Variants in FASTKD1 observed in about 807,000 individuals in gnomAD.
FASTKD1 encodes the protein FAST kinase domains 1.
In FASTKD1, 94 loss-of-function variants were observed where a neutral mutation model predicts 90.9. The ratio of observed to expected loss-of-function variants is 1.03; its 90% CI spans 0.88 to 1.23. The LOEUF is 1.23. Among genes scored for constraint, FASTKD1 ranks in the 50% most tolerant of loss-of-function variants. FASTKD1 has a pLI of 0.00. For synonymous variants in FASTKD1, 319 were observed against 345.8 expected (o/e 0.92, Z 0.86); for missense variants, 945 against 993.5 (o/e 0.95, Z 0.66).
chr2:169,549,672 G>T (rs1162329047), intron 7 of FASTKD1, among the ~76,000 whole-genome samples: 1 of 151,984 alleles, frequency 6.6e-6, no homozygotes, highest in Non-Finnish European at 1.5e-5. Context: ...TTGCTTTATT[G>T]CCCAGGCTGG....
At chr2:169,541,614 T>C (rs1260885877) in intron 9 of FASTKD1, among the ~76,000 whole-genome samples, 1 of 152,130 alleles carries the variant, frequency 6.6e-6, no homozygotes, top group African/African-American at 2.4e-5. Flanking sequence ...TGTAGCAAAG[T>C]CCATTAGCAT....
intron 2 of FASTKD1, among the ~76,000 whole-genome samples, chr2:169,569,735 C>T (rs1428965717): frequency 6.6e-6 from 1 of 152,072 alleles, no homozygotes; most frequent in Non-Finnish European, 1.5e-5. Flanking sequence ...CCTTTAATCC[C>T]AGCTACTCAG....
chr2:169,571,529 A>ACTC (rs1684229873), intron 2 of FASTKD1, 124 bp downstream of exon 2: 1 of 650,422 alleles, frequency 1.5e-6, no homozygotes, highest in Non-Finnish European at 2.5e-6. Context: ...ATGCCACTGC[A>ACTC]CTCCAGCCTG....
In FASTKD1 at chr2:169,557,167, G is replaced by A. The variant is rs536894547; in HGVS notation, c.1082+20C>T. On this transcript the variant is annotated intron_variant, in intron 6 of 14. Coordinates refer to ENST00000453153, the MANE Select transcript of FASTKD1 (RefSeq NM_024622.6). ...TGTGAATGACAACAAACTTAACGTC[G>A]TAAATTTCAGAAAAGATACCTTTTA... 23 of 1,478,356 alleles carry A rather than the reference G, an allele frequency of 1.6e-5. No homozygotes were observed. Among genetic ancestry groups the A allele is most frequent in the Admixed American group, 5.1e-5 (3 of 59,036 alleles). The allele number at this position is 1,478,356 out of a possible 1,614,324, so 91.6% of individuals were successfully genotyped here.
At chr2:169,569,556 T>C (rs1468478999) in intron 2 of FASTKD1, among the ~76,000 whole-genome samples, 1 of 152,200 alleles carries the variant, frequency 6.6e-6, no homozygotes, top group Non-Finnish European at 1.5e-5. Context: ...TTTGTTCTGA[T>C]TTAAATACTT....
In FASTKD1 at chr2:169,572,021, T is replaced by C; in HGVS notation, c.9A>G (p.Lys3=). 1 of 1,566,568 alleles carries C rather than the reference T, an allele frequency of 6.4e-7. No homozygotes were observed. Among genetic ancestry groups the C allele is most frequent in the Non-Finnish European group, 8.6e-7 (1 of 1,156,914 alleles). Residue 3 remains lysine (K), a synonymous_variant, in exon 2 of 15, where the codon AAA becomes AAG. Transcript: ENST00000453153. ...CCAATGACTCTAGGAAAACAGGTGT[T>C]TTTTTCATTTATATCACAAGTTTTC... MK[K]TPVFLESLVT... is the part of the protein sequence containing the mutation.
At chr2:169,535,351 T>A (rs1299109714) in intron 12 of FASTKD1, among the ~76,000 whole-genome samples, 1 of 152,064 alleles carries the variant, frequency 6.6e-6, no homozygotes, top group Non-Finnish European at 1.5e-5. Context: ...AATTATTTAT[T>A]TATTTAGAGA....
At chr2:169,549,391 G>A (rs67018257) in intron 7 of FASTKD1, among the ~76,000 whole-genome samples, 20,767 of 151,890 alleles carry the variant, frequency 0.14, 1,614 homozygotes, top group Non-Finnish European at 0.18. Flanking sequence ...CAACAAGAGC[G>A]AAACTCCATC....
chr2:169,569,351 T>G, intron 2 of FASTKD1, 99 bp from the exon 3 acceptor site: 1 of 1,132,644 alleles, frequency 8.8e-7, no homozygotes, highest in Non-Finnish European at 1.3e-6. Flanking sequence ...CTCAAGTTAT[T>G]TTCCTCTTAT....
Position 169,538,049 on chromosome 2 carries a change from A to G in FASTKD1, c.2038T>C (p.Trp680Arg), listed in dbSNP as rs1684799783. 6.2e-6 allele frequency: 10 copies of G among 1,611,612 alleles called. No homozygotes were observed. Among genetic ancestry groups the G allele is most frequent in the Non-Finnish European group, 8.5e-6 (10 of 1,179,296 alleles). ...TGTTGACAGAAGCGGTCATGAAACC[A>G]TGGAATCTGAAACTCAGGGCATTCC... ...CLECPEFQIPWFHDRFCQQYN... is the reference protein window; with the variant it reads ...CLECPEFQIPRFHDRFCQQYN... Residue 680 changes from tryptophan to arginine, a missense_variant, in exon 11 of 15, where the codon TGG (tryptophan) becomes CGG (arginine). Trp to Arg is a moderately radical substitution (Grantham distance 101). Coordinates refer to ENST00000453153, the MANE Select transcript of FASTKD1 (RefSeq NM_024622.6).
chr2:169,556,709 G>A (rs866385674), intron 6 of FASTKD1, among the ~76,000 whole-genome samples: 2 of 151,440 alleles, frequency 1.3e-5, no homozygotes, highest in Admixed American at 6.6e-5. Flanking sequence ...CCTGTAATCC[G>A]GGCTACTCAG....
chr2:169,565,059 A>G (rs1038799104), intron 3 of FASTKD1, among the ~76,000 whole-genome samples: 25 of 149,248 alleles, frequency 1.7e-4, no homozygotes, highest in African/African-American at 5.9e-4. Context: ...GGTTCAAACA[A>G]TTCTCCTGCC....
Position 169,544,824 on chromosome 2 carries a change from A to G in FASTKD1, c.1713T>C (p.Phe571=). 7 of 1,597,936 alleles carry G rather than the reference A, an allele frequency of 4.4e-6. No individual in the cohort carries two copies. The highest frequency in any genetic ancestry group is 2.2e-5 in the East Asian group (1 of 44,714). ...ATGGACGAATAATAGCAGGGATTGT[A>G]AAAGGATGGATCTGTATAAAAAGAA... The part of the protein sequence containing the change: ...AVQQIEKIHP[F]TIPAIIRPFS... Residue 571 remains phenylalanine, a synonymous_variant, in exon 9 of 15, where the codon TTT becomes TTC. Coordinates refer to ENST00000453153, the MANE Select transcript of FASTKD1 (RefSeq NM_024622.6).
In FASTKD1 at chr2:169,541,221, T is replaced by C. The variant is rs538753084; in HGVS notation, c.1817-1042A>G. On this transcript the variant is annotated intron_variant, in intron 9 of 14. Coordinates refer to ENST00000453153, the MANE Select transcript of FASTKD1 (RefSeq NM_024622.6). ...TTAAAATTTTACTTATAAAGTTCCCTAGGAATTTTTAAAACTTTCTCTGAT... is the reference window on the plus strand; with the variant it reads ...TTAAAATTTTACTTATAAAGTTCCCCAGGAATTTTTAAAACTTTCTCTGAT... Among the ~76,000 whole-genome samples the C allele has an allele frequency of 5.3e-5, 8 of 152,348 alleles. No homozygotes were observed. In the South Asian group the frequency reaches 1.4e-3, roughly 28 times the overall value.
chr2:169,562,802 C>T (rs866016406), intron 4 of FASTKD1, among the ~76,000 whole-genome samples: 2 of 152,146 alleles, frequency 1.3e-5, no homozygotes, highest in South Asian at 4.1e-4. Context: ...CAGAGCTCCT[C>T]TCCTGGATCA....
intron 4 of FASTKD1, 80 bp downstream of exon 4, chr2:169,563,145 A>T: frequency 7.3e-7 from 1 of 1,377,542 alleles, no homozygotes; most frequent in Non-Finnish European, 1.0e-6. Context: ...ACATAAACTA[A>T]GAGTAGCAAA....
At chr2:169,558,121 A>G (rs74461484) in intron 5 of FASTKD1, among the ~76,000 whole-genome samples, 4,558 of 152,308 alleles carry the variant, frequency 0.03, 223 homozygotes, top group African/African-American at 0.1. Flanking sequence ...ACATATTTCA[A>G]TTATATCTAT....
At position 169,531,365 on chromosome 2, in the gene FASTKD1, G is replaced by T; in HGVS notation, c.2314C>A (p.Pro772Thr). 6.2e-7 allele frequency: 1 copy of T among 1,613,554 alleles called. No individual in the cohort carries two copies. The highest frequency in any genetic ancestry group is 8.5e-7 in the Non-Finnish European group (1 of 1,179,768). ...NIEIVGSRLPPGAERIALEFL... is the reference protein window; with the variant it reads ...NIEIVGSRLPTGAERIALEFL... ...GAAATAAATTACCTTTCAGCCCCTG[G>T]TGGCAGCCTTGATCCAACTATTTCG... The change falls in exon 13 of 15, where the codon CCA becomes ACA. Residue 772 changes from proline (P) to threonine (T), a missense_variant. Pro to Thr is a conservative substitution (Grantham distance 38). Coordinates refer to ENST00000453153, the MANE Select transcript of FASTKD1 (RefSeq NM_024622.6).
rs141818496 is a variant in FASTKD1 at position 169,570,702 on chromosome 2, G to A, written c.377+951C>T. ...TTTTTTTTTTTTTTTTGGAGACAGC[G>A]TCTCACTCTGTCGCCCAGAATGGAG... On this transcript the variant is annotated intron_variant, in intron 2 of 14. Transcript: ENST00000453153. Among the ~76,000 whole-genome samples the A allele has an allele frequency of 1.3e-4, 19 of 142,810 alleles. 1 individual carries two copies. Among genetic ancestry groups the A allele is most frequent in the African/African-American group, 3.6e-4 (14 of 38,520 alleles). 93.7% of individuals were successfully genotyped at this position (142,810 alleles called of 152,430 possible).
Sources: gnomAD v4.1 joint callset for allele counts (sites outside exome capture counted in the v4.1 genomes callset) on GRCh38, gnomAD v4.1.1 for gene constraint, MANE v1.5 for transcripts, NCBI Gene and HGNC (gene_info 2026-07-23, HGNC 2026-07-21) for gene names.